The following PCDH11X variants were observed in gnomAD, a reference collection of about 807,000 sequenced individuals.
PCDH11X encodes the protein protocadherin-11 X-linked.
A neutral mutation model predicts 53.3 loss-of-function variants in PCDH11X; 18 were observed. The ratio of observed to expected loss-of-function variants is 0.34; its 90% CI spans 0.23 to 0.50. The LOEUF (loss-of-function observed/expected upper bound fraction) is 0.50. Among genes scored for constraint, PCDH11X ranks in the 20% least tolerant of loss-of-function variants. PCDH11X has a pLI of 0.98. For synonymous variants in PCDH11X, 279 were observed against 393.3 expected (o/e 0.71, Z 3.44); for missense variants, 570 against 1,032.4 (o/e 0.55, Z 6.14).
At chrX:92,274,628 G>A (rs976128078) in intron 8 of PCDH11X, among the ~76,000 whole-genome samples, 2 of 110,749 alleles carry the variant, frequency 1.8e-5, no homozygotes, top group Non-Finnish European at 3.8e-5. Flanking sequence ...TGATGTGTAG[G>A]GAAGGGAGGG....
intron 10 of PCDH11X, chrX:92,515,352 C>T (rs2074246265): frequency 2.1e-5 from 3 of 142,001 alleles, no homozygotes; most frequent in South Asian, 2.5e-4. Context: ...ACCCTGATTT[C>T]GAAGGTGGTG....
intron 6 of PCDH11X, among the ~76,000 whole-genome samples, chrX:91,902,604 T>C (rs1940997076): frequency 9.1e-6 from 1 of 109,476 alleles, no homozygotes; most frequent in African/African-American, 3.3e-5. Flanking sequence ...CTGATCTCCA[T>C]ATACAGTCCT....
chrX:91,833,368 G>C (rs1158680811), intron 4 of PCDH11X, among the ~76,000 whole-genome samples: 5 of 109,645 alleles, frequency 4.6e-5, no homozygotes, highest in Non-Finnish European at 9.5e-5. Flanking sequence ...CTTCATAACA[G>C]AGTATAAAAC....
intron 8 of PCDH11X, among the ~76,000 whole-genome samples, chrX:92,263,685 G>T (rs1017489772): frequency 1.8e-5 from 2 of 111,763 alleles, no homozygotes; most frequent in Admixed American, 9.5e-5. Context: ...AGTAATTGTG[G>T]TTTTTGCCAT....
rs181995177 is a variant in PCDH11X at position 92,144,177 on chromosome X, A to G, written c.3034-57198A>G. On this transcript the variant is annotated intron_variant, in intron 6 of 10. Coordinates refer to ENST00000682573, the MANE Select transcript of PCDH11X (RefSeq NM_032968.5). The stretch of plus-strand genomic sequence containing the variant: ...GCAGAAGGAACTTGCCTTGGCTCAG[A>G]TGAGACTTTGGACTGGTGGGCTTTT... 2.7e-5 allele frequency among the ~76,000 whole-genome samples: 3 copies of G among 109,934 alleles called. No individual in the cohort carries two copies. In the East Asian group the frequency reaches 8.5e-4, roughly 31 times the overall value.
intron 6 of PCDH11X, among the ~76,000 whole-genome samples, chrX:92,007,361 G>A (rs2062617368): frequency 9.0e-6 from 1 of 111,516 alleles, no homozygotes; most frequent in African/African-American, 3.3e-5. Context: ...CTTTCCAAAG[G>A]CAGAGGAGCC....
intron 9 of PCDH11X, among the ~76,000 whole-genome samples, chrX:92,428,597 G>A (rs1334839919): frequency 2.8e-5 from 3 of 106,166 alleles, no homozygotes; most frequent in African/African-American, 1.1e-4. Context: ...TTATAAAAGT[G>A]CAATTTCTTT....
At chrX:92,250,693 G>A (rs1431281156) in intron 7 of PCDH11X, among the ~76,000 whole-genome samples, 3 of 107,197 alleles carry the variant, frequency 2.8e-5, no homozygotes, top group Non-Finnish European at 3.9e-5. Context: ...ACTGAAACAT[G>A]CTACAATATG....
intron 7 of PCDH11X, among the ~76,000 whole-genome samples, chrX:92,237,633 A>C (rs2067195171): frequency 9.0e-6 from 1 of 111,237 alleles, no homozygotes; most frequent in Admixed American, 9.6e-5. Flanking sequence ...AGAAGTCATA[A>C]ATTCCCTTTA....
At chrX:92,319,326 T>G (rs2148490997) in intron 8 of PCDH11X, among the ~76,000 whole-genome samples, 1 of 111,950 alleles carries the variant, frequency 8.9e-6, no homozygotes, top group Admixed American at 9.5e-5. Flanking sequence ...GCAAAATTAT[T>G]AATTTAATTT....
intron 6 of PCDH11X, among the ~76,000 whole-genome samples, chrX:92,197,669 T>G (rs958203321): frequency 1.8e-5 from 2 of 112,039 alleles, no homozygotes; most frequent in Non-Finnish European, 3.8e-5. Context: ...CATATGCATG[T>G]TTGAGGAGAC....
At chrX:92,080,422 A>G (rs1381874980) in intron 6 of PCDH11X, among the ~76,000 whole-genome samples, 1 of 111,485 alleles carries the variant, frequency 9.0e-6, no homozygotes, top group Non-Finnish European at 1.9e-5. Flanking sequence ...ATGTATAAAA[A>G]TTAACCTGGT....
At chrX:91,793,276 G>C (rs1935618500) in intron 1 of PCDH11X, among the ~76,000 whole-genome samples, 1 of 107,056 alleles carries the variant, frequency 9.3e-6, no homozygotes, top group African/African-American at 3.4e-5. Context: ...CTTATCCCTG[G>C]AATAATATTT....
At chrX:92,539,299 AT>A (rs1473588227) in intron 10 of PCDH11X, among the ~76,000 whole-genome samples, 1 of 110,121 alleles carries the variant, frequency 9.1e-6, no homozygotes, top group Non-Finnish European at 1.9e-5. Context: ...ATTCTTTTTA[AT>A]TTTGTTTCCT....
chrX:91,865,212 A>G, intron 5 of PCDH11X, among the ~76,000 whole-genome samples: 1 of 108,513 alleles, frequency 9.2e-6, no homozygotes, highest in Non-Finnish European at 1.9e-5. Context: ...TCTAAGCTGT[A>G]TGTGCTTTAG....
intron 5 of PCDH11X, among the ~76,000 whole-genome samples, chrX:91,873,984 T>G (rs774053454): frequency 9.0e-6 from 1 of 111,163 alleles, no homozygotes; most frequent in African/African-American, 3.3e-5. Flanking sequence ...AACTTACCTT[T>G]TATCACATTA....
At chrX:92,223,071 C>T (rs1384538729) in intron 7 of PCDH11X, among the ~76,000 whole-genome samples, 2 of 112,144 alleles carry the variant, frequency 1.8e-5, no homozygotes, top group Admixed American at 9.5e-5. Flanking sequence ...CTGCAGCCTC[C>T]AATTCCTGGG....
At chrX:92,192,533 G>C (rs1043302255) in intron 6 of PCDH11X, among the ~76,000 whole-genome samples, 2 of 108,758 alleles carry the variant, frequency 1.8e-5, no homozygotes, top group African/African-American at 6.7e-5. Flanking sequence ...ATTTTTAGTA[G>C]AGATGGGGTT....
At chrX:92,023,398 A>T (rs2062919964) in intron 6 of PCDH11X, among the ~76,000 whole-genome samples, 1 of 109,693 alleles carries the variant, frequency 9.1e-6, no homozygotes, top group Non-Finnish European at 1.9e-5. Flanking sequence ...CTATGCAAAT[A>T]AACTAGCAAA....
Sources: allele counts gnomAD v4.1 joint callset (sites outside exome capture counted in the v4.1 genomes callset), GRCh38; gene constraint gnomAD v4.1.1; transcripts MANE v1.5; gene names NCBI Gene and HGNC (gene_info 2026-07-23, HGNC 2026-07-21).